Variants in MBD4 observed in about 807,000 individuals in gnomAD.
The protein encoded by MBD4 is methyl-CpG binding domain 4, DNA glycosylase, also known as methyl-CpG-binding domain protein 4.
A neutral mutation model predicts 60.2 loss-of-function variants in MBD4; 53 were observed. That is an observed-to-expected ratio of 0.88 (90% CI 0.71 to 1.11). MBD4 has a LOEUF of 1.11. Among genes scored for constraint, MBD4 ranks in the 50% least tolerant of loss-of-function variants. MBD4 has a pLI of 0.00. For missense variants in MBD4, 619 were observed against 674.0 expected (o/e 0.92, Z 0.90); for synonymous variants, 231 against 229.8 (o/e 1.01, Z -0.05).
At chr3:129,438,248 T>G (rs1465660931) in intron 1 of MBD4, among the ~76,000 whole-genome samples, 1 of 152,186 alleles carries the variant, frequency 6.6e-6, no homozygotes, top group African/African-American at 2.4e-5. Context: ...CTGGGGGCAC[T>G]TACCATAAAT....
In MBD4 at chr3:129,431,521, C is replaced by A; in HGVS notation, c.1705G>T (p.Glu569Ter). 14 of 1,613,364 alleles carry A rather than the reference C, an allele frequency of 8.7e-6. No homozygotes were observed. The highest frequency in any genetic ancestry group is 1.2e-5 in the Non-Finnish European group (14 of 1,179,810). The change falls in exon 8 of 8, where the codon GAA (glutamate) becomes TAA (stop). Residue 569 changes from glutamate (E) to a stop codon, truncating the protein, a stop_gained. Coordinates refer to ENST00000429544, the MANE Select transcript of MBD4 (RefSeq NM_001276270.2). LOFTEE classifies it high-confidence loss of function. ...KYHDWLWENH[E>*]KLSLS ...AGAGTTTAAGATAGACTTAATTTTT[C>A]ATGATTTTCCCAAAGCCAGTCATGA... is the stretch of plus-strand genomic sequence containing the variant.
At chr3:129,439,103 T>C (rs1295070516) in intron 1 of MBD4, among the ~76,000 whole-genome samples, 2 of 152,226 alleles carry the variant, frequency 1.3e-5, no homozygotes, top group Admixed American at 6.5e-5. Flanking sequence ...CCAAGTTCTT[T>C]TCTACAAATA....
At position 129,436,975 on chromosome 3, in the gene MBD4, A is replaced by C. The variant is rs1405298882; in HGVS notation, c.669T>G (p.Val223=). The C allele has an allele frequency of 1.2e-6, 2 of 1,614,208 alleles. No individual in the cohort carries two copies. Among genetic ancestry groups the C allele is most frequent in the Non-Finnish European group, 1.7e-6 (2 of 1,180,040 alleles). ...TGGGCTTTCTAACCTTTCTGAAGTT[A>C]ACATCATCAACACCCTCATCTTCTT... ...LLKEDEGVDD[V]NFRKVRKPKG... Residue 223 remains valine, a synonymous_variant, in exon 3 of 8, where the codon GTT becomes GTG. Coordinates refer to ENST00000429544, the MANE Select transcript of MBD4 (RefSeq NM_001276270.2).
chr3:129,432,962 CT>C, intron 6 of MBD4, 135 bp downstream of exon 6: 2 of 1,191,896 alleles, frequency 1.7e-6, no homozygotes, highest in South Asian at 2.6e-5. Flanking sequence ...GGAAAGTGGA[CT>C]TTTTTAAATG....
chr3:129,436,005 A>T (rs1234915908), intron 3 of MBD4, among the ~76,000 whole-genome samples: 2 of 152,244 alleles, frequency 1.3e-5, no homozygotes, highest in Non-Finnish European at 2.9e-5. Context: ...AAGTATCAGG[A>T]GGGGTGTGAA....
In MBD4 at chr3:129,437,322, T is replaced by C. The variant is rs774299547; in HGVS notation, c.336-14A>G. ...AGTCCTTGTGGGCTAGAAAATGATA[T>C]TAAAGGAAACTTACTGCTAGTAAAT... On this transcript the variant is annotated splice_polypyrimidine_tract_variant and intron_variant, in intron 2 of 7. Transcript: ENST00000429544. The C allele has an allele frequency of 6.3e-7, 1 of 1,598,272 alleles. No homozygotes were observed.
rs200883484 is a variant in MBD4 at position 129,437,919 on chromosome 3, C to G, written c.136G>C (p.Val46Leu). 4 of 1,613,298 alleles carry G rather than the reference C, an allele frequency of 2.5e-6. No homozygotes were observed. The Admixed American group carries it at 6.7e-5, about 27-fold the overall frequency. The change falls in exon 2 of 8, where the codon GTG becomes CTG. Residue 46 changes from valine to leucine, a missense_variant. Val to Leu is a conservative substitution (Grantham distance 32). Coordinates refer to ENST00000429544, the MANE Select transcript of MBD4 (RefSeq NM_001276270.2). ...KEDVAMELER[V>L]GEDEEQMMIK... ...ATCATTTGTTCCTCATCTTCTCCCACTCTTTCCAATTCCATAGCAACATCT... is the reference window on the plus strand; with the variant it reads ...ATCATTTGTTCCTCATCTTCTCCCAGTCTTTCCAATTCCATAGCAACATCT...
rs1442415339 is a variant in MBD4, at chr3:129,437,710, A to AT, written c.335+9dup. 6.3e-7 allele frequency: 1 copy of AT among 1,591,728 alleles called. No individual in the cohort carries two copies. The highest frequency in any genetic ancestry group is 8.6e-7 in the Non-Finnish European group (1 of 1,159,642). ...TTGGCTGTACTATCTTTACCATCTT[A>AT]TATGCTTACCTGATAAAGTACACAT... On this transcript the variant is annotated intron_variant, in intron 2 of 7. Coordinates refer to ENST00000429544, the MANE Select transcript of MBD4 (RefSeq NM_001276270.2).
Position 129,439,790 on chromosome 3 carries a change from C to T in MBD4, c.44G>A (p.Gly15Glu). ...GLESLSLGDR[G>E]AAPTVTSSER... ...ACTAGAGGTGACGGTGGGGGCAGCT[C>T]CGCGGTCCCCCAGACTCAGACTCTC... The change falls in exon 1 of 8, where the codon GGA becomes GAA. Residue 15 changes from glycine to glutamate, a missense_variant. Transcript: ENST00000429544. The T allele has an allele frequency of 1.2e-6, 2 of 1,609,948 alleles. No individual in the cohort carries two copies. Among genetic ancestry groups the T allele is most frequent in the Non-Finnish European group, 1.7e-6 (2 of 1,178,692 alleles).
chr3:129,431,880 C>T (rs946613815), intron 7 of MBD4, among the ~76,000 whole-genome samples: 1 of 152,100 alleles, frequency 6.6e-6, no homozygotes. Flanking sequence ...GGTTCTAGAC[C>T]GAGAGGTTAA....
At chr3:129,438,063 G>T in intron 1 of MBD4, 113 bp from the exon 2 acceptor site, 1 of 704,278 alleles carries the variant, frequency 1.4e-6, no homozygotes, top group East Asian at 2.5e-5. Context: ...ATTAAAATGA[G>T]GGAGATTAAA....
At chr3:129,432,714 G>T (rs2072374366) in intron 6 of MBD4, 108 bp from the exon 7 acceptor site, 2 of 1,070,026 alleles carry the variant, frequency 1.9e-6, no homozygotes, top group Admixed American at 1.7e-5. Flanking sequence ...GACAGGAAAG[G>T]CTCTTTCCCA....
chr3:129,434,884 T>C (rs566254064), intron 3 of MBD4, among the ~76,000 whole-genome samples: 1 of 152,358 alleles, frequency 6.6e-6, no homozygotes, highest in Non-Finnish European at 1.5e-5. Context: ...TGAGAACCTC[T>C]ATCTATTGGG....
chr3:129,434,584 C>T (rs1485087677), intron 3 of MBD4, among the ~76,000 whole-genome samples: 1 of 152,074 alleles, frequency 6.6e-6, no homozygotes, highest in East Asian at 1.9e-4. Context: ...GAATATTTTC[C>T]TATTAACTTC....
chr3:129,437,976 A>C, intron 1 of MBD4, 26 bp from the exon 2 acceptor site: 1 of 1,390,502 alleles, frequency 7.2e-7, no homozygotes, highest in Non-Finnish European at 1.0e-6. Flanking sequence ...CTAAGTGATT[A>C]ACTTATTTAA....
rs1047969768 is a variant in MBD4, at chr3:129,436,691, C to T, written c.953G>A (p.Ser318Asn). 3 of 1,614,026 alleles carry T rather than the reference C, an allele frequency of 1.9e-6. No individual in the cohort carries two copies. The highest frequency in any genetic ancestry group is 2.5e-6 in the Non-Finnish European group (3 of 1,179,998). Residue 318 changes from serine (S) to asparagine (N), a missense_variant, in exon 3 of 8, where the codon AGT becomes AAT. Transcript: ENST00000429544. ...TTCAGAACAAAAATTTGATCCTGAA[C>T]TCAATGATCTTTCTTTTTTTTTTAC... is the stretch of plus-strand genomic sequence containing the variant. ...SLVKKKERSL[S>N]SGSNFCSEQK... is the part of the protein sequence containing the mutation.
At chr3:129,432,420 A>C in intron 7 of MBD4, 83 bp downstream of exon 7, 1 of 1,611,954 alleles carries the variant, frequency 6.2e-7, no homozygotes, top group East Asian at 2.2e-5. Context: ...ATTTGTATCC[A>C]ATAAATAGTC....
chr3:129,434,851 G>A (rs2072428069), intron 3 of MBD4, among the ~76,000 whole-genome samples: 1 of 152,088 alleles, frequency 6.6e-6, no homozygotes, highest in African/African-American at 2.4e-5. Flanking sequence ...TTGAACCCTA[G>A]AACACCTGAG....
At chr3:129,433,395 GA>G (rs1345364614) in intron 5 of MBD4, 148 bp from the exon 6 acceptor site, 1 of 825,384 alleles carries the variant, frequency 1.2e-6, no homozygotes, top group African/African-American at 1.7e-5. Context: ...GCCATTATCT[GA>G]ACCAGCAACC....
Sources: gnomAD v4.1 joint callset for allele counts (sites outside exome capture counted in the v4.1 genomes callset) on GRCh38, gnomAD v4.1.1 for gene constraint, MANE v1.5 for transcripts, NCBI Gene and HGNC (gene_info 2026-07-23, HGNC 2026-07-21) for gene names.